The following LGR5 variants were observed in gnomAD, a reference collection of about 807,000 sequenced individuals.
LGR5 encodes leucine rich repeat containing G protein-coupled receptor 5.
A neutral mutation model predicts 76.7 loss-of-function variants in LGR5; 54 were observed. That is an observed-to-expected ratio of 0.70 (90% CI 0.57 to 0.88). LGR5 has a LOEUF of 0.88. Ranked by LOEUF, LGR5 falls within the 40% of genes least tolerant of loss-of-function variation. The pLI is 0.00. For synonymous variants in LGR5, 406 were observed against 421.9 expected (o/e 0.96, Z 0.46); for missense variants, 1,078 against 1,073.3 (o/e 1.00, Z -0.06).
intron 1 of LGR5, among the ~76,000 whole-genome samples, chr12:71,450,497 T>C (rs1478415949): frequency 6.6e-6 from 1 of 152,158 alleles, no homozygotes; most frequent in African/African-American, 2.4e-5. Context: ...TTGGTAAAAA[T>C]GGGAGTATGG....
intron 13 of LGR5, 43 bp from the exon 14 acceptor site, chr12:71,577,882 C>T (rs1367478370): frequency 7.7e-7 from 1 of 1,296,130 alleles, no homozygotes; most frequent in Non-Finnish European, 1.1e-6. Context: ...TTCACATGTT[C>T]TTTATTCTAT....
intron 1 of LGR5, among the ~76,000 whole-genome samples, chr12:71,473,461 G>A (rs1265971641): frequency 6.6e-6 from 1 of 152,038 alleles, no homozygotes; most frequent in Non-Finnish European, 1.5e-5. Flanking sequence ...CCACTGCCCT[G>A]TCTGTTTTAT....
intron 6 of LGR5, 48 bp from the exon 7 acceptor site, chr12:71,559,538 T>C: frequency 1.0e-6 from 1 of 997,196 alleles, no homozygotes; most frequent in East Asian, 2.4e-5. Flanking sequence ...ATAGAGTATA[T>C]ATGAAGTTTT....
chr12:71,584,110 G>T lies in LGR5; in HGVS notation c.2100G>T (p.Leu700=). 3 of 1,614,178 alleles carry T rather than the reference G, an allele frequency of 1.9e-6. No homozygotes were observed. Among genetic ancestry groups the T allele is most frequent in the Non-Finnish European group, 2.5e-6 (3 of 1,180,030 alleles). ...LLALTMAAVP[L]LGGSKYGASP... is the part of the protein sequence containing the mutation. Reference sequence around the variant, plus strand: ...CCTTGACCATGGCCGCAGTTCCCCTGCTGGGTGGCAGCAAGTATGGCGCCT... The same window carrying T: ...CCTTGACCATGGCCGCAGTTCCCCTTCTGGGTGGCAGCAAGTATGGCGCCT... The change falls in exon 18 of 18, where the codon CTG becomes CTT. Residue 700 remains leucine (L), a synonymous_variant. Coordinates refer to ENST00000266674, the MANE Select transcript of LGR5 (RefSeq NM_003667.4).
intron 3 of LGR5, among the ~76,000 whole-genome samples, chr12:71,525,203 G>A (rs146534699): frequency 1.7e-3 from 254 of 151,916 alleles, no homozygotes; most frequent in African/African-American, 6.0e-3. Flanking sequence ...TTCTTTCTTT[G>A]ACATAAAAGT....
intron 2 of LGR5, among the ~76,000 whole-genome samples, chr12:71,514,102 C>CA (rs1875307552): frequency 6.6e-6 from 1 of 151,838 alleles, no homozygotes; most frequent in South Asian, 2.1e-4. Flanking sequence ...ACAACAACAA[C>CA]AAAAACAAAC....
chr12:71,471,501 G>A (rs909502612), intron 1 of LGR5, among the ~76,000 whole-genome samples: 9 of 152,152 alleles, frequency 5.9e-5, no homozygotes, highest in African/African-American at 1.9e-4. Flanking sequence ...AATGGACATG[G>A]GATTTCTGGG....
intron 4 of LGR5, among the ~76,000 whole-genome samples, chr12:71,542,842 T>C (rs551828551): frequency 6.6e-6 from 1 of 151,906 alleles, no homozygotes; most frequent in East Asian, 1.9e-4. Context: ...AGATGTCACA[T>C]AGTTTGAAAT....
intron 4 of LGR5, among the ~76,000 whole-genome samples, chr12:71,548,321 G>GTGTGTGTGTGTGTGTGTGTGTA (rs147007812): frequency 6.0e-5 from 9 of 151,146 alleles, no homozygotes; most frequent in Admixed American, 6.6e-5. Context: ...GTGTGTGTGT[G>GTGTGTGTGTGTGTGTGTGTGTA]TGTGCGTAGA....
chr12:71,497,224 G>A (rs1874369689), intron 1 of LGR5, among the ~76,000 whole-genome samples: 1 of 152,052 alleles, frequency 6.6e-6, no homozygotes, highest in Non-Finnish European at 1.5e-5. Flanking sequence ...CTGAGGTGGG[G>A]AGATAACTTG....
chr12:71,510,513 C>T (rs1875098178), intron 2 of LGR5, among the ~76,000 whole-genome samples: 1 of 152,146 alleles, frequency 6.6e-6, no homozygotes, highest in African/African-American at 2.4e-5. Context: ...TTTATTGTCT[C>T]CTTTCTCTAT....
chr12:71,460,646 T>C (rs1872650632), intron 1 of LGR5, among the ~76,000 whole-genome samples: 1 of 152,150 alleles, frequency 6.6e-6, no homozygotes, highest in South Asian at 2.1e-4. Flanking sequence ...ATGCCATGTT[T>C]AACCCACAGA....
intron 4 of LGR5, among the ~76,000 whole-genome samples, chr12:71,537,183 C>CA (rs35199889): frequency 0.16 from 17,868 of 110,906 alleles, 1,184 homozygotes; most frequent in African/African-American, 0.21. Flanking sequence ...TAAGAGTTGT[C>CA]AAAAAAAAAA....
intron 9 of LGR5, 36 bp from the exon 10 acceptor site, chr12:71,566,596 C>A: frequency 1.3e-6 from 2 of 1,569,750 alleles, no homozygotes; most frequent in Non-Finnish European, 1.8e-6. Context: ...TGTCTAGAAT[C>A]TTCTACCAGT....
At chr12:71,498,353 G>A (rs1450099117) in intron 1 of LGR5, among the ~76,000 whole-genome samples, 1 of 152,168 alleles carries the variant, frequency 6.6e-6, no homozygotes, top group African/African-American at 2.4e-5. Flanking sequence ...TAAACTGGGT[G>A]TCTTAAACAA....
intron 8 of LGR5, among the ~76,000 whole-genome samples, chr12:71,565,422 C>CTATATATATATATATATATATATATA (rs1209363296): frequency 4.4e-3 from 61 of 13,888 alleles, no homozygotes; most frequent in African/African-American, 4.9e-3. Context: ...ATCAATTGAG[C>CTATATATATATATATATATATATATA]TATATATATA....
At chr12:71,485,835 G>A (rs914052735) in intron 1 of LGR5, among the ~76,000 whole-genome samples, 13 of 151,138 alleles carry the variant, frequency 8.6e-5, no homozygotes, top group East Asian at 3.9e-4. Flanking sequence ...GTGCAATCTC[G>A]GCTCACTGCA....
intron 16 of LGR5, among the ~76,000 whole-genome samples, chr12:71,582,055 G>A (rs1287950474): frequency 6.6e-6 from 1 of 152,172 alleles, no homozygotes; most frequent in African/African-American, 2.4e-5. Context: ...CTGGTGTTCA[G>A]AGAACACAGC....
At chr12:71,454,890 A>G (rs1304731911) in intron 1 of LGR5, among the ~76,000 whole-genome samples, 2 of 152,212 alleles carry the variant, frequency 1.3e-5, no homozygotes, top group East Asian at 3.9e-4. Flanking sequence ...CTCAAAATAT[A>G]TACCTAACCT....
Sources: gnomAD v4.1 joint callset for allele counts (sites outside exome capture counted in the v4.1 genomes callset) on GRCh38, gnomAD v4.1.1 for gene constraint, MANE v1.5 for transcripts, NCBI Gene and HGNC (gene_info 2026-07-23, HGNC 2026-07-21) for gene names.